TAX1BP3: variants seen among roughly 807,000 people sequenced by gnomAD.
The protein encoded by TAX1BP3 is Tax1 binding protein 3, also known as tax1-binding protein 3.
A neutral mutation model predicts 15.3 loss-of-function variants in TAX1BP3; 13 were observed. That is an observed-to-expected ratio of 0.85 (90% CI 0.55 to 1.35). The LOEUF is 1.35. Among genes scored for constraint, TAX1BP3 ranks in the 40% most tolerant of loss-of-function variants. The pLI is 0.00. For missense variants in TAX1BP3, 147 were observed against 169.6 expected, an observed-to-expected ratio of 0.87 and a Z score of 0.74; for synonymous variants, 70 against 66.0, an observed-to-expected ratio of 1.06 and a Z score of -0.30.
Position 3,664,899 on chromosome 17 carries a change from C to T in TAX1BP3, c.40-101G>A. On this transcript the variant is annotated intron_variant, in intron 1 of 3. Coordinates refer to ENST00000225525, the MANE Select transcript of TAX1BP3 (RefSeq NM_014604.4). ...TCAGAGCCATGACAAGGGGCTGGGT[C>T]CCAGGCCCCTGCAGGAATCCAGCTG... 3 of 1,499,890 alleles carry T rather than the reference C, an allele frequency of 2.0e-6. No homozygotes were observed. The South Asian group carries it at 4.0e-5, about 20-fold the overall frequency. 92.9% of individuals were successfully genotyped at this position (1,499,890 alleles called of 1,614,324 possible).
rs2142991012 is a variant in TAX1BP3, at chr17:3,663,246, A to C, written c.*502T>G. 1 of 152,970 alleles carries C rather than the reference A, an allele frequency of 6.5e-6. No individual in the cohort carries two copies. Among genetic ancestry groups the C allele is most frequent in the East Asian group, 1.9e-4 (1 of 5,188 alleles). The allele number at this position is 152,970 out of a possible 1,614,324, so 9.5% of individuals were successfully genotyped here. ...GTGAACGCGGAGCCCACCTGGCTTCATCTGGGCAAAGCTTCGTAGCGCCTC... is the reference window on the plus strand; with the variant it reads ...GTGAACGCGGAGCCCACCTGGCTTCCTCTGGGCAAAGCTTCGTAGCGCCTC... On this transcript the variant is annotated 3_prime_UTR_variant, in exon 4 of 4. Transcript: ENST00000225525.
At chr17:3,664,170 TCTC>T (rs2076312952) in intron 3 of TAX1BP3, 22 bp downstream of exon 3, 1 of 1,613,872 alleles carries the variant, frequency 6.2e-7, no homozygotes, top group Non-Finnish European at 8.5e-7. Flanking sequence ...AAACCTTGTT[TCTC>T]CTCCTTTGGG....
intron 1 of TAX1BP3, chr17:3,665,338 T>A: frequency 8.1e-7 from 1 of 1,239,100 alleles, no homozygotes; most frequent in Non-Finnish European, 1.2e-6. Flanking sequence ...GGTGATACTG[T>A]AGACATCAAG....
chr17:3,663,973 A>G, intron 3 of TAX1BP3, 88 bp from the exon 4 acceptor site: 1 of 1,532,890 alleles, frequency 6.5e-7, no homozygotes, highest in Non-Finnish European at 8.8e-7. Context: ...AGGTCATTCA[A>G]GTAGGCCCCC....
Position 3,664,470 on chromosome 17 carries a change from G to A in TAX1BP3, c.160-198C>T, listed in dbSNP as rs572562152. ...CCACCATGCACCGGCCCTGCTGATG[G>A]CCGCCTCCTGCTCCTCCTGGGCTCT... is the stretch of plus-strand genomic sequence containing the variant. On this transcript the variant is annotated intron_variant, in intron 2 of 3. Transcript: ENST00000225525. 4.3e-6 allele frequency: 4 copies of A among 926,682 alleles called. No homozygotes were observed. The South Asian group carries it at 6.1e-5, about 14-fold the overall frequency. The allele number at this position is 926,682 out of a possible 1,614,324, so 57.4% of individuals were successfully genotyped here.
chr17:3,667,173 G>A (rs919523678), intron 1 of TAX1BP3, among the ~76,000 whole-genome samples: 7 of 151,888 alleles, frequency 4.6e-5, no homozygotes, highest in African/African-American at 1.5e-4. Flanking sequence ...GTGAAACCCC[G>A]TTCTACTAAA....
At chr17:3,664,851 G>A in intron 1 of TAX1BP3, 53 bp from the exon 2 acceptor site, 1 of 1,588,842 alleles carries the variant, frequency 6.3e-7, no homozygotes, top group Middle Eastern at 1.7e-4. Context: ...GAATTAGGCT[G>A]GTGGGTGTTC....
At chr17:3,667,635 G>C (rs1433814981) in intron 1 of TAX1BP3, among the ~76,000 whole-genome samples, 3 of 152,188 alleles carry the variant, frequency 2.0e-5, no homozygotes, top group Admixed American at 6.5e-5. Context: ...GAACGCTGTC[G>C]GGAGGTAGGC....
At chr17:3,665,816 G>A (rs902759943) in intron 1 of TAX1BP3, 12 of 626,626 alleles carry the variant, frequency 1.9e-5, no homozygotes, top group South Asian at 5.7e-5. Flanking sequence ...ACAGGGTGCC[G>A]TGGATACGTG....
At chr17:3,667,340 CAA>C (rs761986087) in intron 1 of TAX1BP3, among the ~76,000 whole-genome samples, 6 of 61,166 alleles carry the variant, frequency 9.8e-5, no homozygotes, top group Non-Finnish European at 1.0e-4. Flanking sequence ...AAGACTGTCT[CAA>C]AAAAAAAAAA....
Position 3,663,722 on chromosome 17 carries a change from G to T in TAX1BP3, c.*26C>A. 1 of 1,589,516 alleles carries T rather than the reference G, an allele frequency of 6.3e-7. No homozygotes were observed. Among genetic ancestry groups the T allele is most frequent in the Middle Eastern group, 1.9e-4 (1 of 5,192 alleles). On this transcript the variant is annotated 3_prime_UTR_variant, in exon 4 of 4. Coordinates refer to ENST00000225525, the MANE Select transcript of TAX1BP3 (RefSeq NM_014604.4). ...GCGTTACTGTACAGAGAGGCGGCAGGCAGGAGTCGCAGATGGTGGTGGCTG... is the reference window on the plus strand; with the variant it reads ...GCGTTACTGTACAGAGAGGCGGCAGTCAGGAGTCGCAGATGGTGGTGGCTG...
At chr17:3,664,430 G>T in intron 2 of TAX1BP3, 158 bp from the exon 3 acceptor site, 1 of 1,009,834 alleles carries the variant, frequency 9.9e-7, no homozygotes, top group East Asian at 2.6e-5. Flanking sequence ...AGAGAGCCGG[G>T]GCAGAGTTGC....
rs552750770 is a variant in TAX1BP3 at position 3,664,456 on chromosome 17, C to T, written c.160-184G>A. On this transcript the variant is annotated intron_variant, in intron 2 of 3. Coordinates refer to ENST00000225525, the MANE Select transcript of TAX1BP3 (RefSeq NM_014604.4). ...GCAGAGTTGCTGCACCACCATGCAC[C>T]GGCCCTGCTGATGGCCGCCTCCTGC... 90 of 929,476 alleles carry T rather than the reference C, an allele frequency of 9.7e-5. 2 individuals are homozygous for T. The highest frequency in any genetic ancestry group is 5.2e-4 in the Middle Eastern group (2 of 3,864). The allele number at this position is 929,476 out of a possible 1,614,324, so 57.6% of individuals were successfully genotyped here.
Position 3,663,772 on chromosome 17 carries a change from G to A in TAX1BP3, c.351C>T (p.Ala117=), listed in dbSNP as rs745885810. ...GCTAGGACAGCATGGACTGCTGCAC[G>A]GCCTTCTGCAGCGACTGCCGCGTCA... The part of the protein sequence containing the change: ...LLVTRQSLQK[A]VQQSMLS The change falls in exon 4 of 4, where the codon GCC becomes GCT. Residue 117 remains alanine (A), a synonymous_variant. Coordinates refer to ENST00000225525, the MANE Select transcript of TAX1BP3 (RefSeq NM_014604.4). 32 of 1,605,088 alleles carry A rather than the reference G, an allele frequency of 2.0e-5. No individual in the cohort carries two copies. Among genetic ancestry groups the A allele is most frequent in the Admixed American group, 6.7e-5 (4 of 59,792 alleles).
chr17:3,663,978 G>C (rs190770937), intron 3 of TAX1BP3, 93 bp from the exon 4 acceptor site: 229 of 1,523,478 alleles, frequency 1.5e-4, no homozygotes, highest in Middle Eastern at 1.2e-3. Context: ...ATTCAAGTAG[G>C]CCCCCAGCCT....
Position 3,664,938 on chromosome 17 carries a change from G to A in TAX1BP3, c.40-140C>T. On this transcript the variant is annotated intron_variant, in intron 1 of 3. Transcript: ENST00000225525. ...GGAATCCAGCTGCTCACCAGCCTGG[G>A]AGGCTGAGGAGCTGGCACTCAGAAC... The A allele has an allele frequency of 3.2e-6, 4 of 1,262,432 alleles. No homozygotes were observed. The South Asian group carries it at 4.3e-5, about 14-fold the overall frequency. 78.2% of individuals were successfully genotyped at this position (1,262,432 alleles called of 1,614,324 possible). A position where few individuals can be genotyped will look rare whatever the true frequency, so the allele number is the denominator to read the frequency against.
At chr17:3,664,938 G>T in intron 1 of TAX1BP3, 140 bp from the exon 2 acceptor site, 1 of 1,262,432 alleles carries the variant, frequency 7.9e-7, no homozygotes, top group East Asian at 2.3e-5. Context: ...ACCAGCCTGG[G>T]AGGCTGAGGA....
At chr17:3,665,269 G>T (rs560792780) in intron 1 of TAX1BP3, 1 of 1,384,438 alleles carries the variant, frequency 7.2e-7, no homozygotes, top group Admixed American at 1.7e-5. Context: ...ATGTTCTCTA[G>T]GCCTTTTAGA....
At chr17:3,664,936 G>T in intron 1 of TAX1BP3, 138 bp from the exon 2 acceptor site, 2 of 1,270,176 alleles carry the variant, frequency 1.6e-6, no homozygotes, top group Non-Finnish European at 1.1e-6. Context: ...TCACCAGCCT[G>T]GGAGGCTGAG....
Sources: allele counts gnomAD v4.1 joint callset (sites outside exome capture counted in the v4.1 genomes callset), GRCh38; gene constraint gnomAD v4.1.1; transcripts MANE v1.5; gene names NCBI Gene and HGNC (gene_info 2026-07-23, HGNC 2026-07-21).